USP42: variants seen among roughly 807,000 people sequenced by gnomAD.
The protein encoded by USP42 is ubiquitin carboxyl-terminal hydrolase 42.
Under a neutral mutation model 113.0 loss-of-function variants are expected in USP42, and 23 were observed. The observed-to-expected ratio is 0.20, with a 90% CI of 0.15 to 0.29. The LOEUF is 0.29. USP42 is among the 10% of genes least tolerant of loss of function. The pLI is 1.00. For missense variants in USP42, 2,174 were observed against 1,779.8 expected (o/e 1.22, Z -3.99); for synonymous variants, 933 against 699.0 (o/e 1.33, Z -5.28).
chr7:6,153,660 C>G, intron 14 of USP42, 96 bp from the exon 15 acceptor site: 1 of 1,328,660 alleles, frequency 7.5e-7, no homozygotes, highest in South Asian at 2.0e-5. Flanking sequence ...GACGAAATAG[C>G]AAATGAACGT....
At chr7:6,107,631 A>G (rs1300603421) in intron 1 of USP42, among the ~76,000 whole-genome samples, 1 of 149,586 alleles carries the variant, frequency 6.7e-6, no homozygotes, top group Non-Finnish European at 1.5e-5. Flanking sequence ...CTGGTCTTGA[A>G]CTCCTGATTT....
At chr7:6,117,068 T>C (rs897096721) in intron 3 of USP42, 3 of 296,210 alleles carry the variant, frequency 1.0e-5, no homozygotes, top group African/African-American at 4.6e-5. Flanking sequence ...ATTACACATA[T>C]TTAAAATACA....
At position 6,154,523 on chromosome 7, in the gene USP42, G is replaced by T; in HGVS notation, c.2969G>T (p.Arg990Leu). 1.3e-6 allele frequency: 2 copies of T among 1,541,396 alleles called. No homozygotes were observed. Among genetic ancestry groups the T allele is most frequent in the Non-Finnish European group, 8.7e-7 (1 of 1,144,026 alleles). ...CGCACCTGCCCCCGGGAGCGCGACCGCCAGGACCGCCACGCCCCGGAGCAC... is the reference window on the plus strand; with the variant it reads ...CGCACCTGCCCCCGGGAGCGCGACCTCCAGGACCGCCACGCCCCGGAGCAC... ...RRRTCPRERD[R>L]QDRHAPEHHP... is the part of the protein sequence containing the mutation. The change falls in exon 15 of 18, where the codon CGC becomes CTC. Residue 990 changes from arginine to leucine, a missense_variant. Physicochemically the swap from Arg to Leu is moderately radical, Grantham distance 102. Transcript: ENST00000306177.
intron 1 of USP42, among the ~76,000 whole-genome samples, chr7:6,105,627 C>A (rs1033995685): frequency 2.6e-5 from 4 of 152,114 alleles, no homozygotes; most frequent in Admixed American, 1.3e-4. Flanking sequence ...CGTGGAGAGT[C>A]CGAGGTGCCC....
upstream of USP42, chr7:6,104,872 C>T (rs1283838499): frequency 6.8e-6 from 1 of 146,930 alleles, no homozygotes; most frequent in Non-Finnish European, 1.5e-5. Flanking sequence ...GGCGCGCCCC[C>T]CGGCGGCCCG....
chr7:6,115,578 T>G, intron 3 of USP42, 55 bp downstream of exon 3: 1 of 1,575,874 alleles, frequency 6.3e-7, no homozygotes, highest in Non-Finnish European at 8.7e-7. Context: ...TACTTTCATT[T>G]TTTCCTCTGA....
intron 14 of USP42, among the ~76,000 whole-genome samples, chr7:6,153,303 A>G (rs141510346): frequency 0.012 from 1,093 of 94,276 alleles, 10 homozygotes; most frequent in Middle Eastern, 0.028. Context: ...GAAACAAAAC[A>G]AAAAAAAAAA....
chr7:6,109,354 G>A (rs567928546), intron 1 of USP42, among the ~76,000 whole-genome samples: 405 of 152,268 alleles, frequency 2.7e-3, no homozygotes, highest in African/African-American at 9.4e-3. Context: ...TGTGCTGTGG[G>A]CAGTTGGGCC....
At chr7:6,142,190 T>C (rs1306262953) in intron 7 of USP42, among the ~76,000 whole-genome samples, 1 of 152,020 alleles carries the variant, frequency 6.6e-6, no homozygotes, top group Non-Finnish European at 1.5e-5. Flanking sequence ...GTGAACATCA[T>C]ACTACTAAAT....
chr7:6,140,119 G>A lies in USP42; in HGVS notation c.657-9G>A. On this transcript the variant is annotated splice_polypyrimidine_tract_variant and intron_variant, in intron 5 of 17. Coordinates refer to ENST00000306177, the MANE Select transcript of USP42 (RefSeq NM_032172.3). Reference sequence around the variant, plus strand: ...CTCTTCTCTCATGTCACTGTTCAACGTTTTTCAGATTAGACAGACACACCC... The same window carrying A: ...CTCTTCTCTCATGTCACTGTTCAACATTTTTCAGATTAGACAGACACACCC... 6.2e-7 allele frequency: 1 copy of A among 1,613,702 alleles called. No homozygotes were observed. Among genetic ancestry groups the A allele is most frequent in the East Asian group, 2.2e-5 (1 of 44,880 alleles).
chr7:6,116,637 C>G, intron 3 of USP42: 1 of 366,140 alleles, frequency 2.7e-6, no homozygotes, highest in South Asian at 2.1e-5. Flanking sequence ...ATTTTTTTTT[C>G]CCTCCAAAGA....
At chr7:6,092,914 G>C in the USP42 span, 1 of 150,988 alleles carries the variant, frequency 6.6e-6, no homozygotes, top group East Asian at 1.9e-4. Flanking sequence ...CTTGGCTTAA[G>C]ATAAATTAAA....
rs914108085 is a variant in USP42 at position 6,111,233 on chromosome 7, G to A, written c.100G>A (p.Gly34Ser). Reference sequence around the variant, plus strand: ...AGTCTCACCTGGAGACATGGATGCAGGTTCTGCCAGCTGGGGTGCTGTGTC... The same window carrying A: ...AGTCTCACCTGGAGACATGGATGCAAGTTCTGCCAGCTGGGGTGCTGTGTC... ...EAVSPGDMDA[G>S]SASWGAVSSL... The change falls in exon 2 of 18, where the codon GGT (glycine) becomes AGT (serine). Residue 34 changes from glycine to serine, a missense_variant. Coordinates refer to ENST00000306177, the MANE Select transcript of USP42 (RefSeq NM_032172.3). 1 of 1,609,660 alleles carries A rather than the reference G, an allele frequency of 6.2e-7. No homozygotes were observed. Among genetic ancestry groups the A allele is most frequent in the Non-Finnish European group, 8.5e-7 (1 of 1,177,806 alleles).
rs1229267303 is a variant in USP42, at chr7:6,140,144, C to A, written c.673C>A (p.Gln225Lys). 1 of 1,614,022 alleles carries A rather than the reference C, an allele frequency of 6.2e-7. No individual in the cohort carries two copies. The highest frequency in any genetic ancestry group is 1.1e-5 in the South Asian group (1 of 91,088). Residue 225 changes from glutamine (Q) to lysine (K), a missense_variant, in exon 6 of 18, where the codon CAG becomes AAG. Gln to Lys is a moderately conservative substitution (Grantham distance 53). Transcript: ENST00000306177. ...GTTTTTCAGATTAGACAGACACACC[C>A]AGGCCACCACTCTTGTTTGTCAGAT... The part of the protein sequence containing the change: ...NGSNKLDRHT[Q>K]ATTLVCQIFG...
the USP42 span, among the ~76,000 whole-genome samples, chr7:6,083,764 A>T: frequency 6.6e-6 from 1 of 150,806 alleles, no homozygotes; most frequent in East Asian, 1.9e-4. Context: ...TTGTTTTAGG[A>T]ACTCTCCATC....
At chr7:6,150,771 C>T (rs902007455) in intron 14 of USP42, among the ~76,000 whole-genome samples, 7 of 152,174 alleles carry the variant, frequency 4.6e-5, no homozygotes, top group South Asian at 4.1e-4. Context: ...CTCTGGTTAG[C>T]GGTGTTACTG....
upstream of USP42, among the ~76,000 whole-genome samples, chr7:6,103,581 C>T (rs1221456093): frequency 1.0e-4 from 15 of 149,734 alleles, no homozygotes; most frequent in Non-Finnish European, 1.2e-4. Context: ...TGGACAGTGG[C>T]GCACCGGTGG....
intron 3 of USP42, among the ~76,000 whole-genome samples, chr7:6,134,822 G>T (rs995127262): frequency 4.6e-5 from 7 of 152,138 alleles, no homozygotes; most frequent in African/African-American, 1.7e-4. Context: ...GTCTCGCTCT[G>T]TTGCCCAGGC....
the USP42 span, among the ~76,000 whole-genome samples, chr7:6,096,060 C>T: frequency 6.6e-6 from 1 of 151,138 alleles, no homozygotes; most frequent in East Asian, 1.9e-4. Flanking sequence ...CTCACCCAGC[C>T]TGGATGCATG....
Sources: gnomAD v4.1 joint callset for allele counts (sites outside exome capture counted in the v4.1 genomes callset) on GRCh38, gnomAD v4.1.1 for gene constraint, MANE v1.5 for transcripts, NCBI Gene and HGNC (gene_info 2026-07-23, HGNC 2026-07-21) for gene names.